The following ATMIN variants were observed in gnomAD, a reference collection of about 807,000 sequenced individuals.
ATMIN encodes ATM INteracting protein.
In ATMIN, 24 loss-of-function variants were observed where a neutral mutation model predicts 49.2. The ratio of observed to expected loss-of-function variants is 0.49; its 90% CI spans 0.35 to 0.69. ATMIN has a LOEUF of 0.69. Among genes scored for constraint, ATMIN ranks in the 30% least tolerant of loss-of-function variants. The pLI, the probability that ATMIN is intolerant of heterozygous loss-of-function variation, is 0.00. For synonymous variants in ATMIN, 450 were observed against 392.5 expected (o/e 1.15, Z -1.73); for missense variants, 1,037 against 1,005.5 (o/e 1.03, Z -0.42).
intron 1 of ATMIN, among the ~76,000 whole-genome samples, chr16:81,036,682 C>G (rs35054487): frequency 2.0e-5 from 3 of 152,152 alleles, no homozygotes; most frequent in African/African-American, 7.2e-5. Context: ...TGGGTCCTGC[C>G]CAGTGGACTG....
chr16:81,041,179 C>T, intron 1 of ATMIN, 177 bp from the exon 2 acceptor site: 2 of 595,714 alleles, frequency 3.4e-6, no homozygotes, highest in South Asian at 2.2e-5. Context: ...TTAGTATTCT[C>T]ACCACATTTC....
chr16:81,037,037 C>T, intron 1 of ATMIN: 3 of 328,714 alleles, frequency 9.1e-6, no homozygotes, highest in Non-Finnish European at 1.3e-5. Context: ...CTCAACAACC[C>T]TCCACGTTAT....
chr16:81,042,606 G>A, intron 3 of ATMIN, 126 bp downstream of exon 3: 1 of 1,028,892 alleles, frequency 9.7e-7, no homozygotes, highest in Non-Finnish European at 1.4e-6. Flanking sequence ...CGTGGAAGAA[G>A]GAAGCTTTTG....
rs147927795 is a variant in ATMIN at position 81,037,526 on chromosome 16, C to T, written c.336+1320C>T. On this transcript the variant is annotated intron_variant, in intron 1 of 3. Coordinates refer to ENST00000299575, the MANE Select transcript of ATMIN (RefSeq NM_015251.3). ...GGGGCCGAATTGTTGGACTGAAAAG[C>T]TCTGGGTTTCTTTCAGCACTCAAGT... 1,268 of 982,168 alleles carry T rather than the reference C, an allele frequency of 1.3e-3. 10 individuals carry two copies. In the African/African-American group the frequency reaches 0.02, roughly 16 times the overall value. 60.8% of individuals were successfully genotyped at this position (982,168 alleles called of 1,614,324 possible).
intron 1 of ATMIN, chr16:81,037,532 G>A (rs893890746): frequency 1.1e-5 from 11 of 978,556 alleles, no homozygotes; most frequent in Non-Finnish European, 1.3e-5. Flanking sequence ...AAAGCTCTGG[G>A]TTTCTTTCAG....
intron 1 of ATMIN, among the ~76,000 whole-genome samples, chr16:81,038,234 G>A (rs1970979157): frequency 2.6e-5 from 4 of 151,262 alleles, no homozygotes; most frequent in African/African-American, 4.9e-5. Flanking sequence ...AGGTTCAAGC[G>A]AGTCTCCTGC....
chr16:81,043,110 C>A (rs895356297), intron 3 of ATMIN, 51 bp from the exon 4 acceptor site: 3 of 1,542,082 alleles, frequency 1.9e-6, no homozygotes, highest in Non-Finnish European at 2.6e-6. Context: ...GTGTCATGGT[C>A]GAAGAAAGTT....
chr16:81,042,448 C>T lies in ATMIN; in HGVS notation c.630C>T (p.Tyr210=). ...ASRTALQSHI[Y]RTGHEIPAEH... Reference sequence around the variant, plus strand: ...GAACAGCACTGCAGTCTCACATCTACCGAACTGGGCACGAGATACCTGCAG... The same window carrying T: ...GAACAGCACTGCAGTCTCACATCTATCGAACTGGGCACGAGATACCTGCAG... Residue 210 remains tyrosine, a synonymous_variant, in exon 3 of 4, where the codon TAC becomes TAT. Coordinates refer to ENST00000299575, the MANE Select transcript of ATMIN (RefSeq NM_015251.3). The T allele has an allele frequency of 6.2e-7, 1 of 1,614,126 alleles. No individual in the cohort carries two copies.
Position 81,045,162 on chromosome 16 carries a change from G to C in ATMIN, c.*192G>C, listed in dbSNP as rs530170999. ...TAAATGTGAGTGTATTATAAAGTTT[G>C]AGATGTTGATCTAAATTGTTTTTGT... On this transcript the variant is annotated 3_prime_UTR_variant, in exon 4 of 4. Coordinates refer to ENST00000299575, the MANE Select transcript of ATMIN (RefSeq NM_015251.3). 8.6e-6 allele frequency: 6 copies of C among 698,188 alleles called. No homozygotes were observed. In the East Asian group the frequency reaches 1.5e-4, roughly 17 times the overall value. The allele number at this position is 698,188 out of a possible 1,614,324, so 43.2% of individuals were successfully genotyped here.
chr16:81,039,790 A>C (rs1178975004), intron 1 of ATMIN, among the ~76,000 whole-genome samples: 2 of 152,182 alleles, frequency 1.3e-5, no homozygotes, highest in Admixed American at 6.5e-5. Context: ...ATTTTGTGTT[A>C]TTTTTAGTCC....
chr16:81,038,784 C>T (rs1970990086), intron 1 of ATMIN, among the ~76,000 whole-genome samples: 1 of 152,072 alleles, frequency 6.6e-6, no homozygotes, highest in South Asian at 2.1e-4. Context: ...CCATGCCCTG[C>T]CTCAAACATT....
Position 81,043,366 on chromosome 16 carries a change from T to A in ATMIN, c.868T>A (p.Tyr290Asn), listed in dbSNP as rs1971068224. ...DKQTLTTPPR[Y>N]PQKLLLPKPK... The stretch of plus-strand genomic sequence containing the variant: ...GCAGACTCTTACAACACCACCGAGA[T>A]ATCCTCAGAAGTTGCTTTTACCAAA... Residue 290 changes from tyrosine (Y) to asparagine (N), a missense_variant, in exon 4 of 4, where the codon TAT (tyrosine) becomes AAT (asparagine). Coordinates refer to ENST00000299575, the MANE Select transcript of ATMIN (RefSeq NM_015251.3). 8.1e-6 allele frequency: 13 copies of A among 1,614,050 alleles called. No homozygotes were observed. Among genetic ancestry groups the A allele is most frequent in the Non-Finnish European group, 1.0e-5 (12 of 1,179,996 alleles).
At chr16:81,042,917 A>C (rs1198149459) in intron 3 of ATMIN, among the ~76,000 whole-genome samples, 1 of 152,174 alleles carries the variant, frequency 6.6e-6, no homozygotes, top group African/African-American at 2.4e-5. Flanking sequence ...ATCTGAGTTG[A>C]GTTCTAGTAC....
Position 81,043,742 on chromosome 16 carries a change from C to G in ATMIN, c.1244C>G (p.Thr415Arg). The G allele has an allele frequency of 6.2e-7, 1 of 1,614,254 alleles. No individual in the cohort carries two copies. The highest frequency in any genetic ancestry group is 8.5e-7 in the Non-Finnish European group (1 of 1,180,040). Residue 415 changes from threonine to arginine, a missense_variant, in exon 4 of 4, where the codon ACA (threonine) becomes AGA (arginine). By Grantham distance (71) the Thr-to-Arg change is moderately conservative. Transcript: ENST00000299575. ...AGCATTTCTTCAATCAACGTGCAGA[C>G]AGATCTGTCTTATGCCTCACAAAAC... Reference protein sequence around the residue: ...KNSISSINVQTDLSYASQNFI... With the variant: ...KNSISSINVQRDLSYASQNFI...
Position 81,044,747 on chromosome 16 carries a change from A to C in ATMIN, c.2249A>C (p.Asn750Thr). 4 of 1,614,230 alleles carry C rather than the reference A, an allele frequency of 2.5e-6. No individual in the cohort carries two copies. Among genetic ancestry groups the C allele is most frequent in the Non-Finnish European group, 3.4e-6 (4 of 1,180,038 alleles). The change falls in exon 4 of 4, where the codon AAT (asparagine) becomes ACT (threonine). Residue 750 changes from asparagine (N) to threonine (T), a missense_variant. Physicochemically the swap from Asn to Thr is moderately conservative, Grantham distance 65. Transcript: ENST00000299575. ...ACTGAAGGAGTCTCCACTGCTAAAAATATACCTGCTCTAGAAAGCAAAGTT... is the reference window on the plus strand; with the variant it reads ...ACTGAAGGAGTCTCCACTGCTAAAACTATACCTGCTCTAGAAAGCAAAGTT... ...TQTEGVSTAK[N>T]IPALESKVQL... is the part of the protein sequence containing the mutation.
rs1202408961 is a variant in ATMIN, at chr16:81,046,881, A to G, written c.*1911A>G. On this transcript the variant is annotated 3_prime_UTR_variant, in exon 4 of 4. Coordinates refer to ENST00000299575, the MANE Select transcript of ATMIN (RefSeq NM_015251.3). Reference sequence around the variant, plus strand: ...CCCGGGCAGATGAGCTCAACCTAGTAGGTAAGAGTTTGGTTTGGTCACAGT... The same window carrying G: ...CCCGGGCAGATGAGCTCAACCTAGTGGGTAAGAGTTTGGTTTGGTCACAGT... 6.5e-6 allele frequency: 1 copy of G among 152,678 alleles called. No homozygotes were observed. The highest frequency in any genetic ancestry group is 1.5e-5 in the Non-Finnish European group (1 of 68,042). 9.5% of individuals were successfully genotyped at this position (152,678 alleles called of 1,614,324 possible).
Position 81,045,307 on chromosome 16 carries a change from C to A in ATMIN, c.*337C>A, listed in dbSNP as rs1274629148. ...GCCCAGCTTACCAGGTTCAAGGGTA[C>A]AAACTTCTCAAATCTTCAAAACATT... On this transcript the variant is annotated 3_prime_UTR_variant, in exon 4 of 4. Transcript: ENST00000299575. 1 of 226,308 alleles carries A rather than the reference C, an allele frequency of 4.4e-6. No individual in the cohort carries two copies. Among genetic ancestry groups the A allele is most frequent in the Non-Finnish European group, 8.6e-6 (1 of 115,834 alleles). The allele number at this position is 226,308 out of a possible 1,614,324, so 14.0% of individuals were successfully genotyped here.
intron 1 of ATMIN, among the ~76,000 whole-genome samples, chr16:81,037,688 C>T (rs756112317): frequency 7.9e-5 from 12 of 151,732 alleles, no homozygotes; most frequent in South Asian, 2.1e-4. Flanking sequence ...CAGGCTGGAG[C>T]GCAGTGGCGC....
At chr16:81,037,433 T>C (rs1970958711) in intron 1 of ATMIN, 3 of 985,272 alleles carry the variant, frequency 3.0e-6, no homozygotes, top group South Asian at 9.4e-5. Context: ...GCAACAACGT[T>C]CTCAATTGAA....
Sources: allele counts gnomAD v4.1 joint callset (sites outside exome capture counted in the v4.1 genomes callset), GRCh38; gene constraint gnomAD v4.1.1; transcripts MANE v1.5; gene names NCBI Gene and HGNC (gene_info 2026-07-23, HGNC 2026-07-21).